Variants in TMEM232 observed in about 807,000 individuals in gnomAD.
TMEM232 encodes transmembrane protein 232.
TMEM232 carries 80 observed loss-of-function variants against 78.8 expected under a neutral mutation model. The observed-to-expected ratio is 1.01, with a 90% CI of 0.85 to 1.22. The LOEUF is 1.22. TMEM232 is among the 50% of genes most tolerant of loss of function. The pLI, the probability that TMEM232 is intolerant of heterozygous loss-of-function variation, is 0.00. For synonymous variants in TMEM232, 297 were observed against 254.3 expected (o/e 1.17, Z -1.60); for missense variants, 881 against 742.2 (o/e 1.19, Z -2.17).
At chr5:110,680,885 G>T (rs1356322408) in intron 1 of TMEM232, among the ~76,000 whole-genome samples, 1 of 152,030 alleles carries the variant, frequency 6.6e-6, no homozygotes, top group Non-Finnish European at 1.5e-5. Context: ...AATCTGATTT[G>T]CCTTAAAGGA....
At chr5:110,470,714 T>C (rs377756324) in intron 12 of TMEM232, among the ~76,000 whole-genome samples, 1 of 152,108 alleles carries the variant, frequency 6.6e-6, no homozygotes, top group East Asian at 1.9e-4. Flanking sequence ...AACCAGGACA[T>C]TAAGACCCAT....
At chr5:110,721,468 G>A (rs372060477) in intron 1 of TMEM232, among the ~76,000 whole-genome samples, 16 of 151,106 alleles carry the variant, frequency 1.1e-4, no homozygotes, top group African/African-American at 3.6e-4. Context: ...CAGGGTCCAG[G>A]GTTGCTAAAT....
intron 8 of TMEM232, among the ~76,000 whole-genome samples, chr5:110,611,949 A>C (rs1446734356): frequency 6.6e-6 from 1 of 152,146 alleles, no homozygotes; most frequent in Admixed American, 6.6e-5. Flanking sequence ...GGAGAAGATA[A>C]GATGTCTGAT....
At chr5:110,493,237 T>C (rs1047238933) in intron 12 of TMEM232, among the ~76,000 whole-genome samples, 1 of 151,804 alleles carries the variant, frequency 6.6e-6, no homozygotes, top group African/African-American at 2.4e-5. Flanking sequence ...GATGAAAACT[T>C]AGTATCATAA....
At chr5:110,534,735 T>TA (rs1428036187) in intron 11 of TMEM232, among the ~76,000 whole-genome samples, 1 of 152,168 alleles carries the variant, frequency 6.6e-6, no homozygotes, top group Non-Finnish European at 1.5e-5. Context: ...AGTAAATAAA[T>TA]AATCTTTGCT....
At chr5:110,700,125 T>C (rs1008379469) in intron 1 of TMEM232, among the ~76,000 whole-genome samples, 6 of 152,036 alleles carry the variant, frequency 3.9e-5, no homozygotes, top group South Asian at 2.1e-4. Context: ...AACCAGTAAA[T>C]TGTTTCGCAC....
chr5:110,540,900 A>G (rs1273277806), intron 11 of TMEM232, among the ~76,000 whole-genome samples: 2 of 152,198 alleles, frequency 1.3e-5, no homozygotes, highest in Admixed American at 1.3e-4. Flanking sequence ...TTCTTCAGCT[A>G]TTAAAAGCAG....
chr5:110,667,150 G>A, intron 2 of TMEM232, 78 bp downstream of exon 2: 1 of 1,206,856 alleles, frequency 8.3e-7, no homozygotes, highest in Non-Finnish European at 1.1e-6. Context: ...AACTATGGGT[G>A]AATTTTTTTT....
At chr5:110,388,717 G>T (rs1174217493) in intron 4 of TMEM232, among the ~76,000 whole-genome samples, 1 of 152,074 alleles carries the variant, frequency 6.6e-6, no homozygotes, top group Non-Finnish European at 1.5e-5. Context: ...AGGGTTGAAG[G>T]CCATATAAAT....
intron 2 of TMEM232, among the ~76,000 whole-genome samples, chr5:110,660,167 T>C (rs960564410): frequency 1.1e-4 from 17 of 152,008 alleles, no homozygotes; most frequent in African/African-American, 4.1e-4. Flanking sequence ...AACTTAAAAT[T>C]ACCAGGTTTG....
At chr5:110,611,095 T>C (rs1480222376) in intron 8 of TMEM232, among the ~76,000 whole-genome samples, 1 of 152,118 alleles carries the variant, frequency 6.6e-6, no homozygotes, top group Non-Finnish European at 1.5e-5. Context: ...TGCAGATATA[T>C]AAATAATTAT....
intron 13 of TMEM232, among the ~76,000 whole-genome samples, chr5:110,421,519 C>A (rs1317278117): frequency 6.6e-6 from 1 of 151,906 alleles, no homozygotes; most frequent in African/African-American, 2.4e-5. Context: ...TTGGGTAAAA[C>A]ATTCAGGGCA....
At chr5:110,407,796 A>T (rs184683907) in intron 2 of TMEM232, among the ~76,000 whole-genome samples, 25 of 152,244 alleles carry the variant, frequency 1.6e-4, no homozygotes, top group African/African-American at 5.3e-4. Context: ...GCCTGTACAA[A>T]TTTTTTTAAA....
At position 110,734,061 on chromosome 5, in the gene TMEM232, A is replaced by T. The variant is rs190815134; in HGVS notation, c.-13+842T>A. 3.0e-3 allele frequency among the ~76,000 whole-genome samples: 450 copies of T among 152,370 alleles called. 4 individuals carry two copies. In the Middle Eastern group the frequency reaches 0.031, roughly 10 times the overall value. On this transcript the variant is annotated intron_variant, in intron 2 of 4. Coordinates refer to the TMEM232 transcript ENST00000512886. Reference sequence around the variant, plus strand: ...GTTTGTGATGATAGTATTTAATCCTACAGTGGACACTTTAAAAATAAAATT... The same window carrying T: ...GTTTGTGATGATAGTATTTAATCCTTCAGTGGACACTTTAAAAATAAAATT...
At chr5:110,478,450 G>C (rs313616) in intron 12 of TMEM232, among the ~76,000 whole-genome samples, 18,269 of 151,824 alleles carry the variant, frequency 0.12, 2,647 homozygotes, top group African/African-American at 0.35. Context: ...ATAACTCAAA[G>C]TAAGGGAAAC....
intron 10 of TMEM232, among the ~76,000 whole-genome samples, chr5:110,604,110 T>C (rs1372432582): frequency 6.6e-6 from 1 of 152,176 alleles, no homozygotes; most frequent in East Asian, 1.9e-4. Context: ...TTACTAGAAA[T>C]ATAATTCAGA....
intron 1 of TMEM232, among the ~76,000 whole-genome samples, chr5:110,690,994 G>A (rs1175775002): frequency 1.3e-5 from 2 of 151,868 alleles, no homozygotes; most frequent in Non-Finnish European, 2.9e-5. Context: ...GGTAGGGGAG[G>A]GATAGCAATA....
At chr5:110,681,711 C>G (rs1324659388) in intron 1 of TMEM232, among the ~76,000 whole-genome samples, 1 of 152,192 alleles carries the variant, frequency 6.6e-6, no homozygotes, top group African/African-American at 2.4e-5. Flanking sequence ...GTTACAGTTA[C>G]AAGTTTAAGT....
chr5:110,656,205 C>T (rs1789033160), intron 2 of TMEM232, among the ~76,000 whole-genome samples: 1 of 152,148 alleles, frequency 6.6e-6, no homozygotes, highest in Admixed American at 6.5e-5. Flanking sequence ...ATTGTAGCCC[C>T]CAATCAACGT....
Sources: gnomAD v4.1 joint callset for allele counts (sites outside exome capture counted in the v4.1 genomes callset) on GRCh38, gnomAD v4.1.1 for gene constraint, MANE v1.5 for transcripts, NCBI Gene and HGNC (gene_info 2026-07-23, HGNC 2026-07-21) for gene names.